ZNF184: variants seen among roughly 807,000 people sequenced by gnomAD.
ZNF184 encodes the protein zinc finger protein 184 (Kruppel-like).
A neutral mutation model predicts 54.4 loss-of-function variants in ZNF184; 16 were observed. That is an observed-to-expected ratio of 0.29 (90% CI 0.20 to 0.45). The LOEUF (loss-of-function observed/expected upper bound fraction) is 0.45, where lower values mean the gene tolerates loss of function less well. Among genes scored for constraint, ZNF184 ranks in the 20% least tolerant of loss-of-function variants. The pLI is 1.00. For synonymous variants in ZNF184, 254 were observed against 295.3 expected, an observed-to-expected ratio of 0.86 and a Z score of 1.43; for missense variants, 681 against 888.2, an observed-to-expected ratio of 0.77 and a Z score of 2.97.
At chr6:27,417,236 G>A in the ZNF184 span, among the ~76,000 whole-genome samples, 1 of 152,134 alleles carries the variant, frequency 6.6e-6, no homozygotes, top group Non-Finnish European at 1.5e-5. Context: ...ACATTGCAAA[G>A]CAAAAATGTC....
At chr6:27,436,059 T>G in the ZNF184 span, among the ~76,000 whole-genome samples, 90,952 of 152,022 alleles carry the variant, frequency 0.6, 27,484 homozygotes, top group Middle Eastern at 0.75. Context: ...AAGGGAAAGG[T>G]TTTTGGTCTT....
chr6:27,411,802 TG>T, the ZNF184 span, among the ~76,000 whole-genome samples: 53 of 152,382 alleles, frequency 3.5e-4, no homozygotes, highest in Non-Finnish European at 6.0e-4. Flanking sequence ...GTGCTTGGCA[TG>T]GGCCCTTACT....
the ZNF184 span, among the ~76,000 whole-genome samples, chr6:27,424,163 G>A: frequency 2.0e-5 from 3 of 152,152 alleles, no homozygotes; most frequent in Non-Finnish European, 2.9e-5. Context: ...GCAGACCTTT[G>A]CGGTAAGTGT....
chr6:27,415,431 G>GA, the ZNF184 span, among the ~76,000 whole-genome samples: 1 of 152,088 alleles, frequency 6.6e-6, no homozygotes, highest in African/African-American at 2.4e-5. Context: ...GAACTTTCAA[G>GA]AAAAAAATGC....
chr6:27,428,188 C>T, the ZNF184 span, among the ~76,000 whole-genome samples: 1 of 152,172 alleles, frequency 6.6e-6, no homozygotes, highest in Non-Finnish European at 1.5e-5. This position sits in a 1 kb window ranked among gnomAD's most constrained non-coding sequence, Gnocchi z 4.1. Context: ...TCATGACCCT[C>T]TTCAATAAAC....
Position 27,452,094 on chromosome 6 carries a change from G to C in ZNF184, c.1465C>G (p.Leu489Val). The C allele has an allele frequency of 1.9e-6, 3 of 1,614,026 alleles. No individual in the cohort carries two copies. The highest frequency in any genetic ancestry group is 2.5e-6 in the Non-Finnish European group (3 of 1,180,014). Reference protein sequence around the residue: ...CGKAFSYCSSLTQHRRIHTRE... With the variant: ...CGKAFSYCSSVTQHRRIHTRE... ...GTGTGAATTCTCCGATGTTGAGTAA[G>C]GGATGAGCAGTAACTGAAGGCCTTT... Residue 489 changes from leucine (L) to valine (V), a missense_variant, in exon 6 of 6, where the codon CTT becomes GTT. Coordinates refer to ENST00000683788, the MANE Select transcript of ZNF184 (RefSeq NM_001318891.2). This position sits in a 1 kb window ranked among gnomAD's most constrained non-coding sequence, Gnocchi z 5.5.
chr6:27,465,484 CAA>C (rs60538455), intron 3 of ZNF184, among the ~76,000 whole-genome samples: 19 of 35,156 alleles, frequency 5.4e-4, no homozygotes, highest in African/African-American at 1.8e-3. Context: ...GACTCCATCT[CAA>C]AAAAAAAAAA....
intron 3 of ZNF184, 68 bp from the exon 4 acceptor site, chr6:27,457,477 A>G: frequency 6.4e-7 from 1 of 1,565,210 alleles, no homozygotes; most frequent in African/African-American, 1.4e-5. Context: ...AGTTAGCAAT[A>G]CTGACAGAAG....
the ZNF184 span, among the ~76,000 whole-genome samples, chr6:27,431,193 TCAGAA>T: frequency 3.9e-5 from 6 of 152,318 alleles, no homozygotes; most frequent in Non-Finnish European, 7.3e-5. Context: ...TATATTCTCC[TCAGAA>T]CTACATTTCT....
the ZNF184 span, among the ~76,000 whole-genome samples, chr6:27,419,052 C>G: frequency 2.0e-4 from 30 of 151,792 alleles, no homozygotes; most frequent in African/African-American, 7.2e-4. This position sits in a 1 kb window ranked among gnomAD's most constrained non-coding sequence, Gnocchi z 4.8. Flanking sequence ...ACTTTTTTTT[C>G]TATATTCACG....
chr6:27,442,812 G>GAGAAAGAA, the ZNF184 span, among the ~76,000 whole-genome samples: 540 of 52,566 alleles, frequency 0.01, 13 homozygotes, highest in East Asian at 0.019. Flanking sequence ...GAGAAAGAAA[G>GAGAAAGAA]AGAAAGAAAG....
Position 27,451,920 on chromosome 6 carries a change from T to A in ZNF184, c.1639A>T (p.Lys547Ter). The A allele has an allele frequency of 1.2e-6, 2 of 1,612,652 alleles. No individual in the cohort carries two copies. The highest frequency in any genetic ancestry group is 1.7e-6 in the Non-Finnish European group (2 of 1,179,978). ...TCTCCAGTATGAATTCTTTCATGCTTAGCAAGAGATGAACTCCGAATAAAA... is the reference window on the plus strand; with the variant it reads ...TCTCCAGTATGAATTCTTTCATGCTAAGCAAGAGATGAACTCCGAATAAAA... ...KAFIRSSSLA[K>*]HERIHTGEKP... The change falls in exon 6 of 6, where the codon AAG becomes TAG. Residue 547 changes from lysine to a stop codon, truncating the protein, a stop_gained. Coordinates refer to ENST00000683788, the MANE Select transcript of ZNF184 (RefSeq NM_001318891.2). LOFTEE classifies it high-confidence loss of function.
chr6:27,428,473 C>A, the ZNF184 span, among the ~76,000 whole-genome samples: 1 of 152,116 alleles, frequency 6.6e-6, no homozygotes, highest in East Asian at 1.9e-4. This position sits in a 1 kb window ranked among gnomAD's most constrained non-coding sequence, Gnocchi z 4.1. Flanking sequence ...TAGCATCCAG[C>A]GTCAATGAAT....
chr6:27,414,470 T>G, the ZNF184 span, among the ~76,000 whole-genome samples: 2 of 152,112 alleles, frequency 1.3e-5, no homozygotes, highest in Non-Finnish European at 2.9e-5. Flanking sequence ...AATCTCCTAT[T>G]GCTCTATTCT....
In ZNF184 at chr6:27,468,322, C is replaced by T. The variant is rs558036846; in HGVS notation, c.8-402G>A. On this transcript the variant is annotated intron_variant, in intron 2 of 5. Coordinates refer to ENST00000683788, the MANE Select transcript of ZNF184 (RefSeq NM_001318891.2). ...TAATGCAAATTAAATATCACAATGACATATGCTACTTACTCTACCCACCCA... is the reference window on the plus strand; with the variant it reads ...TAATGCAAATTAAATATCACAATGATATATGCTACTTACTCTACCCACCCA... Among the ~76,000 whole-genome samples, 11 of 152,322 alleles carry T rather than the reference C, an allele frequency of 7.2e-5. 1 individual carries two copies. In the East Asian group the frequency reaches 1.2e-3, roughly 16 times the overall value.
At chr6:27,464,166 A>C (rs183539046) in intron 3 of ZNF184, among the ~76,000 whole-genome samples, 79 of 152,348 alleles carry the variant, frequency 5.2e-4, no homozygotes, top group African/African-American at 1.7e-3. Context: ...ATTGTGAACT[A>C]CTGATTTATA....
Position 27,452,714 on chromosome 6 carries a change from T to C in ZNF184, c.845A>G (p.Gln282Arg). 1 of 1,614,192 alleles carries C rather than the reference T, an allele frequency of 6.2e-7. No homozygotes were observed. The highest frequency in any genetic ancestry group is 8.5e-7 in the Non-Finnish European group (1 of 1,180,036). Residue 282 changes from glutamine (Q) to arginine (R), a missense_variant, in exon 6 of 6, where the codon CAG (glutamine) becomes CGG (arginine). Physicochemically the swap from Gln to Arg is conservative, Grantham distance 43 (BLOSUM62 1). Transcript: ENST00000683788. This position sits in a 1 kb window ranked among gnomAD's most constrained non-coding sequence, Gnocchi z 5.5. Reference sequence around the variant, plus strand: ...ACCCTCAATGAAGCCTTTTCCACACTGATCACATTTATATGGTTTATCTCC... The same window carrying C: ...ACCCTCAATGAAGCCTTTTCCACACCGATCACATTTATATGGTTTATCTCC... ...HTGDKPYKCD[Q>R]CGKGFIEGPS...
chr6:27,405,185 T>C, the ZNF184 span: 1 of 152,156 alleles, frequency 6.6e-6, no homozygotes, highest in Admixed American at 6.5e-5. Context: ...TTCTACTTAT[T>C]TAAAAAAAGT....
the ZNF184 span, among the ~76,000 whole-genome samples, chr6:27,442,897 A>G: frequency 6.7e-6 from 1 of 148,630 alleles, no homozygotes; most frequent in African/African-American, 2.5e-5. Flanking sequence ...AAAAAGAAAG[A>G]AAAAAAAAAA....
Sources: allele counts gnomAD v4.1 joint callset (sites outside exome capture counted in the v4.1 genomes callset), GRCh38; gene constraint gnomAD v4.1.1; non-coding constraint Gnocchi (gnomAD v3.1); transcripts MANE v1.5; gene names NCBI Gene and HGNC (gene_info 2026-07-23, HGNC 2026-07-21).